Variants in EFCAB6 observed in about 807,000 individuals in gnomAD.
EFCAB6 encodes the protein EF-hand calcium-binding domain-containing protein 6.
EFCAB6 carries 156 observed loss-of-function variants against 169.8 expected under a neutral mutation model. The observed-to-expected ratio is 0.92, with a 90% CI of 0.81 to 1.05. The LOEUF (loss-of-function observed/expected upper bound fraction) is 1.05. Among genes scored for constraint, EFCAB6 ranks in the 50% least tolerant of loss-of-function variants. The probability of loss-of-function intolerance (pLI) is 0.00; values close to 1 mark genes in which losing one functional copy is unlikely to be tolerated. For missense variants in EFCAB6, 1,800 were observed against 1,829.1 expected, an observed-to-expected ratio of 0.98 and a Z score of 0.29; for synonymous variants, 698 against 676.4, an observed-to-expected ratio of 1.03 and a Z score of -0.50.
At position 43,738,293 on chromosome 22, in the gene EFCAB6, TACTCAC is replaced by T. The variant is rs1247357074; in HGVS notation, c.508-2306_508-2301del. Among the ~76,000 whole-genome samples, 9 of 149,450 alleles carry T rather than the reference TACTCAC, an allele frequency of 6.0e-5. No homozygotes were observed. In the East Asian group the frequency reaches 1.6e-3, roughly 27 times the overall value. On this transcript the variant is annotated intron_variant, in intron 6 of 31. Transcript: ENST00000262726. ...GCACATATACACACACACCTGCATA[TACTCAC>T]ACTCACACCGTCACTCACACATATA...
intron 21 of EFCAB6, among the ~76,000 whole-genome samples, chr22:43,614,994 A>G (rs1413005908): frequency 2.0e-5 from 3 of 152,248 alleles, no homozygotes; most frequent in Non-Finnish European, 4.4e-5. Context: ...TGTGCAGGAC[A>G]GGAGGTTGGG....
chr22:43,611,673 C>T (rs2053316574), intron 21 of EFCAB6, among the ~76,000 whole-genome samples: 5 of 152,104 alleles, frequency 3.3e-5, no homozygotes. Flanking sequence ...TGGCACATGT[C>T]TGTGGTCCCA....
In EFCAB6 at chr22:43,600,196, A is replaced by C; in HGVS notation, c.2749T>G (p.Ser917Ala). 1 of 1,614,190 alleles carries C rather than the reference A, an allele frequency of 6.2e-7. No individual in the cohort carries two copies. The highest frequency in any genetic ancestry group is 8.5e-7 in the Non-Finnish European group (1 of 1,180,024). Reference sequence around the variant, plus strand: ...GCACAGGGCCGATGGACAGCAGGCGAATAGTTAATACCCAATTTCTGTAAA... The same window carrying C: ...GCACAGGGCCGATGGACAGCAGGCGCATAGTTAATACCCAATTTCTGTAAA... Reference protein sequence around the residue: ...EFLQKLGINYSPAVHRPCAED... With the variant: ...EFLQKLGINYAPAVHRPCAED... The change falls in exon 23 of 32, where the codon TCG becomes GCG. Residue 917 changes from serine to alanine, a missense_variant. Physicochemically the swap from Ser to Ala is moderately conservative, Grantham distance 99 (BLOSUM62 1). Transcript: ENST00000262726.
At chr22:43,683,349 CCT>C (rs1327773135) in intron 12 of EFCAB6, among the ~76,000 whole-genome samples, 5 of 152,108 alleles carry the variant, frequency 3.3e-5, no homozygotes, top group East Asian at 3.9e-4. Context: ...AGAAAATGCC[CCT>C]GTTTTGGGCA....
chr22:43,634,762 T>C (rs2055255929), intron 18 of EFCAB6, among the ~76,000 whole-genome samples: 1 of 152,146 alleles, frequency 6.6e-6, no homozygotes. Flanking sequence ...GTTGCCTGTG[T>C]GTGGTATTGT....
chr22:43,535,210 G>A, intron 29 of EFCAB6: 1 of 220,312 alleles, frequency 4.5e-6, no homozygotes, highest in Non-Finnish European at 8.8e-6. Context: ...GGTGTGTGAG[G>A]AGCAGGGGAA....
chr22:43,705,945 T>C (rs1235041191), intron 10 of EFCAB6, among the ~76,000 whole-genome samples: 1 of 151,882 alleles, frequency 6.6e-6, no homozygotes, highest in Non-Finnish European at 1.5e-5. Context: ...AAGATAAGGG[T>C]TGGCTTTTTG....
chr22:43,592,298 C>T (rs927099114), intron 23 of EFCAB6, among the ~76,000 whole-genome samples: 14 of 152,156 alleles, frequency 9.2e-5, no homozygotes, highest in African/African-American at 1.9e-4. Context: ...CTGCAGGAAC[C>T]GCTCTGTGCA....
Position 43,615,894 on chromosome 22 carries a change from G to A in EFCAB6, c.2494C>T (p.Leu832=), listed in dbSNP as rs892414754. 1.9e-6 allele frequency: 3 copies of A among 1,613,488 alleles called. No individual in the cohort carries two copies. The African/African-American group carries it at 4.0e-5, about 22-fold the overall frequency. ...TACTGATGAGCCTGCTCACAAGCTA[G>A]TTCTGAATCCGCAACCTTCTGTTTT... is the stretch of plus-strand genomic sequence containing the variant. The part of the protein sequence containing the change: ...RPKQKVADSE[L]ACEQAHQYLV... The change falls in exon 21 of 32, where the codon CTA becomes TTA. Residue 832 remains leucine (L), a synonymous_variant. Coordinates refer to ENST00000262726, the MANE Select transcript of EFCAB6 (RefSeq NM_022785.4).
intron 2 of EFCAB6, among the ~76,000 whole-genome samples, chr22:43,808,377 A>G (rs2062991138): frequency 6.6e-6 from 1 of 152,210 alleles, no homozygotes; most frequent in African/African-American, 2.4e-5. Context: ...CCTTTAAGCA[A>G]GTATTCTTAA....
chr22:43,632,156 G>A lies in EFCAB6; in HGVS notation c.2181C>T (p.Thr727=), dbSNP rs368733168. ...GGAAAAGCTTCAGGCATTCTTCTGCGGTGATAAAGTGGCTGTTCACGTAAC... is the reference window on the plus strand; with the variant it reads ...GGAAAAGCTTCAGGCATTCTTCTGCAGTGATAAAGTGGCTGTTCACGTAAC... ...SKSYVNSHFI[T]AEECLKLFPR... is the part of the protein sequence containing the mutation. Residue 727 remains threonine, a synonymous_variant, in exon 19 of 32, where the codon ACC becomes ACT. Transcript: ENST00000262726. 19 of 1,614,218 alleles carry A rather than the reference G, an allele frequency of 1.2e-5. No homozygotes were observed. The South Asian group carries it at 1.4e-4, about 12-fold the overall frequency.
In EFCAB6 at chr22:43,537,118, G is replaced by T. The variant is rs2147034538; in HGVS notation, c.4048+259C>A. 2 of 363,590 alleles carry T rather than the reference G, an allele frequency of 5.5e-6. No homozygotes were observed. Among genetic ancestry groups the T allele is most frequent in the South Asian group, 1.4e-4 (2 of 14,220 alleles). The allele number at this position is 363,590 out of a possible 1,614,324, so 22.5% of individuals were successfully genotyped here. On this transcript the variant is annotated intron_variant, in intron 29 of 31. Coordinates refer to ENST00000262726, the MANE Select transcript of EFCAB6 (RefSeq NM_022785.4). The surrounding 1 kb of genome is among the most constrained non-coding windows in gnomAD (Gnocchi z 4.3). ...CTCTGCCCAGGGTGGCAACCACTGT[G>T]ATTTCTAAAGCTCAGAGTTAGTGCA...
intron 10 of EFCAB6, among the ~76,000 whole-genome samples, chr22:43,694,522 A>T (rs1284316594): frequency 3.3e-5 from 5 of 152,088 alleles, no homozygotes; most frequent in African/African-American, 1.2e-4. Flanking sequence ...TTAGACAAAC[A>T]TCACTCATTT....
Position 43,782,199 on chromosome 22 carries a change from A to C in EFCAB6, c.120T>G (p.Asn40Lys), listed in dbSNP as rs2061844821. 6.2e-7 allele frequency: 1 copy of C among 1,612,220 alleles called. No homozygotes were observed. The highest frequency in any genetic ancestry group is 8.5e-7 in the Non-Finnish European group (1 of 1,179,488). Residue 40 changes from asparagine (N) to lysine (K), a missense_variant, in exon 3 of 32, where the codon AAT becomes AAG. Asn to Lys is a moderately conservative substitution (Grantham distance 94). Transcript: ENST00000262726. ...CRVYSRNGSP[N>K]KFRSSSTTAV... ...ACTTACTTGAAGAAGATCTGAACTT[A>C]TTTGGGGAACCATTCCTTGAATATA...
chr22:43,584,923 G>A (rs866852280), intron 24 of EFCAB6, among the ~76,000 whole-genome samples: 9 of 152,270 alleles, frequency 5.9e-5, no homozygotes, highest in African/African-American at 2.2e-4. Context: ...GAAAAAACAA[G>A]GACACTGGAG....
chr22:43,678,579 T>C (rs1454475971), intron 12 of EFCAB6, among the ~76,000 whole-genome samples: 1 of 152,154 alleles, frequency 6.6e-6, no homozygotes, highest in Non-Finnish European at 1.5e-5. Context: ...GTTCAATTAG[T>C]TTGCCAATTT....
intron 27 of EFCAB6, among the ~76,000 whole-genome samples, chr22:43,548,569 A>AAAAAAAAT (rs1569140151): frequency 7.7e-6 from 1 of 129,812 alleles, no homozygotes; most frequent in African/African-American, 2.9e-5. Flanking sequence ...AAAAAAAAAA[A>AAAAAAAAT]AGGTCAACTC....
intron 12 of EFCAB6, among the ~76,000 whole-genome samples, chr22:43,680,448 G>T (rs570926283): frequency 1.1e-4 from 16 of 149,746 alleles, no homozygotes; most frequent in Admixed American, 7.3e-4. Context: ...ATTTCCATAT[G>T]AATTTTCAGA....
intron 17 of EFCAB6, among the ~76,000 whole-genome samples, chr22:43,642,779 C>A (rs937791517): frequency 2.6e-5 from 4 of 152,190 alleles, no homozygotes; most frequent in African/African-American, 9.7e-5. Flanking sequence ...GGGTGACAAT[C>A]AAGACGCCAT....
Sources: gnomAD v4.1 joint callset for allele counts (sites outside exome capture counted in the v4.1 genomes callset) on GRCh38, gnomAD v4.1.1 for gene constraint, Gnocchi (gnomAD v3.1) non-coding constraint, MANE v1.5 for transcripts, NCBI Gene and HGNC (gene_info 2026-07-23, HGNC 2026-07-21) for gene names.